Variants in UBE2O observed in about 807,000 individuals in gnomAD.
UBE2O encodes the protein ubiquitin conjugating enzyme E2 O.
Under a neutral mutation model 125.8 loss-of-function variants are expected in UBE2O, and 15 were observed. The ratio of observed to expected loss-of-function variants is 0.12; its 90% CI spans 0.08 to 0.18. The LOEUF (loss-of-function observed/expected upper bound fraction) is 0.18, where lower values mean the gene tolerates loss of function less well. Ranked by LOEUF, UBE2O falls within the 10% of genes least tolerant of loss-of-function variation. UBE2O has a pLI of 1.00. For missense variants in UBE2O, 1,280 were observed against 1,723.6 expected (o/e 0.74, Z 4.56); for synonymous variants, 708 against 703.2 (o/e 1.01, Z -0.11).
intron 1 of UBE2O, among the ~76,000 whole-genome samples, chr17:76,435,401 T>TAC (rs3219583): frequency 3.2e-4 from 31 of 96,844 alleles, no homozygotes; most frequent in South Asian, 4.2e-4. Flanking sequence ...AATATACAGA[T>TAC]ACACACACAC....
chr17:76,422,600 G>A lies in UBE2O; in HGVS notation c.418-17028C>T, dbSNP rs1295193860. ...TCCATCTGCAATGAAGCCGAGGCAC[G>A]CCAGGCTTGGGGAGGTGTGGCCACC... On this transcript the variant is annotated intron_variant, in intron 1 of 17. Coordinates refer to ENST00000319380, the MANE Select transcript of UBE2O (RefSeq NM_022066.4). Among the ~76,000 whole-genome samples the A allele has an allele frequency of 2.0e-5, 3 of 152,222 alleles. No homozygotes were observed. In the East Asian group the frequency reaches 5.8e-4, roughly 29 times the overall value.
Position 76,396,736 on chromosome 17 carries a change from C to A in UBE2O, c.2201G>T (p.Trp734Leu), listed in dbSNP as rs1175049270. 1 of 1,613,948 alleles carries A rather than the reference C, an allele frequency of 6.2e-7. No individual in the cohort carries two copies. The highest frequency in any genetic ancestry group is 1.3e-5 in the African/African-American group (1 of 74,924). Residue 734 changes from tryptophan to leucine, a missense_variant, in exon 14 of 18, where the codon TGG becomes TTG. Physicochemically the swap from Trp to Leu is moderately conservative, Grantham distance 61. Around this residue, in one of 10 missense-constraint regions of UBE2O, gnomAD observed 210 missense variants for 268.9 expected, o/e 0.78. Coordinates refer to ENST00000319380, the MANE Select transcript of UBE2O (RefSeq NM_022066.4). This position sits in a 1 kb window ranked among gnomAD's most constrained non-coding sequence, Gnocchi z 6.7. ...GSTSGASSDE[W>L]EDDSDSWETD... ...CTCCCAGCTGTCACTATCATCTTCC[C>A]ATTCATCCGAGGATGCCCCGCTGGT...
chr17:76,395,720 C>T lies in UBE2O; in HGVS notation c.2946+5G>A. 6.2e-7 allele frequency: 1 copy of T among 1,613,226 alleles called. No individual in the cohort carries two copies. Among genetic ancestry groups the T allele is most frequent in the Non-Finnish European group, 8.5e-7 (1 of 1,179,660 alleles). ...TCTGCACCTGCCCATGCCAAGCCTA[C>T]TTGCCATTCTATCTTCAAAAGTCTT... On this transcript the variant is annotated splice_donor_5th_base_variant and intron_variant, in intron 15 of 17. Coordinates refer to ENST00000319380, the MANE Select transcript of UBE2O (RefSeq NM_022066.4). The surrounding 1 kb of genome is among the most constrained non-coding windows in gnomAD (Gnocchi z 5.0).
At position 76,452,623 on chromosome 17, in the gene UBE2O, G is replaced by C; in HGVS notation, c.417+102C>G. ...CTGTCCTCCCGCGTCGGCCACTGCA[G>C]TGGCACCGCTCCGGGCAGGGCCCTG... On this transcript the variant is annotated intron_variant, in intron 1 of 17. Transcript: ENST00000319380. This position sits in a 1 kb window ranked among gnomAD's most constrained non-coding sequence, Gnocchi z 4.4. 8.7e-7 allele frequency: 1 copy of C among 1,155,514 alleles called. No individual in the cohort carries two copies. The allele number at this position is 1,155,514 out of a possible 1,614,324, so 71.6% of individuals were successfully genotyped here. A position where few individuals can be genotyped will look rare whatever the true frequency, so the allele number is the denominator to read the frequency against.
In UBE2O at chr17:76,402,904, T is replaced by C. The variant is rs541242987; in HGVS notation, c.589-205A>G. ...GCTGCATCCCAGCTGCTCTTCCCAG[T>C]GAGGAGGAAGTGGTGGTGGTGGTGG... is the stretch of plus-strand genomic sequence containing the variant. On this transcript the variant is annotated intron_variant, in intron 3 of 17. Coordinates refer to ENST00000319380, the MANE Select transcript of UBE2O (RefSeq NM_022066.4). This position sits in a 1 kb window ranked among gnomAD's most constrained non-coding sequence, Gnocchi z 5.4. Among the ~76,000 whole-genome samples the C allele has an allele frequency of 6.6e-6, 1 of 151,452 alleles. No individual in the cohort carries two copies. The highest frequency in any genetic ancestry group is 2.1e-4 in the South Asian group (1 of 4,780).
At position 76,400,682 on chromosome 17, in the gene UBE2O, A is replaced by G; in HGVS notation, c.895-132T>C. On this transcript the variant is annotated intron_variant, in intron 6 of 17. Transcript: ENST00000319380. This position sits in a 1 kb window ranked among gnomAD's most constrained non-coding sequence, Gnocchi z 4.3. ...CTAGTGCAGCACCAAGTACAGACAC[A>G]TCAGAGCAGGCCCCAACTGTAACCA... The G allele has an allele frequency of 3.0e-6, 2 of 659,388 alleles. No homozygotes were observed. The highest frequency in any genetic ancestry group is 1.8e-5 in the African/African-American group (1 of 55,060). The allele number at this position is 659,388 out of a possible 1,614,324, so 40.8% of individuals were successfully genotyped here.
chr17:76,390,848 C>T lies in UBE2O; in HGVS notation c.*95G>A, dbSNP rs939922781. On this transcript the variant is annotated 3_prime_UTR_variant, in exon 18 of 18. Coordinates refer to ENST00000319380, the MANE Select transcript of UBE2O (RefSeq NM_022066.4). ...GAGGGCAGTGGGTTTGCAGTGGGGA[C>T]AGAGGGGCATGGGAAGAGGGGTGAT... The T allele has an allele frequency of 8.4e-6, 11 of 1,316,428 alleles. No homozygotes were observed. Among genetic ancestry groups the T allele is most frequent in the Non-Finnish European group, 1.1e-5 (11 of 961,776 alleles). The allele number at this position is 1,316,428 out of a possible 1,614,324, so 81.5% of individuals were successfully genotyped here.
Position 76,398,041 on chromosome 17 carries a change from G to A in UBE2O, c.2026-153C>T, listed in dbSNP as rs914464809. The A allele has an allele frequency of 7.6e-5, 78 of 1,031,656 alleles. No homozygotes were observed. In the African/African-American group the frequency reaches 1.1e-3, roughly 15 times the overall value. The allele number at this position is 1,031,656 out of a possible 1,614,324, so 63.9% of individuals were successfully genotyped here. A position where few individuals can be genotyped will look rare whatever the true frequency, so the allele number is the denominator to read the frequency against. On this transcript the variant is annotated intron_variant, in intron 12 of 17. Transcript: ENST00000319380. The surrounding 1 kb of genome is among the most constrained non-coding windows in gnomAD (Gnocchi z 5.4). ...AATGTAACCAGCGGCAGCTCAAGAA[G>A]CCTGACCCCAGAAGGGAGGCAGGGA...
intron 15 of UBE2O, among the ~76,000 whole-genome samples, chr17:76,393,958 G>A (rs898885729): frequency 2.6e-5 from 4 of 152,262 alleles, no homozygotes; most frequent in African/African-American, 9.6e-5. Context: ...TGAGTGAGAT[G>A]TGGGGAAAAC....
intron 1 of UBE2O, among the ~76,000 whole-genome samples, chr17:76,415,016 T>C (rs1263646839): frequency 2.6e-5 from 4 of 152,214 alleles, no homozygotes; most frequent in African/African-American, 9.6e-5. Flanking sequence ...CATGATTCCA[T>C]GTTCTGTTCT....
intron 1 of UBE2O, among the ~76,000 whole-genome samples, chr17:76,449,937 A>G (rs1475100345): frequency 6.6e-6 from 1 of 152,130 alleles, no homozygotes; most frequent in Non-Finnish European, 1.5e-5. Flanking sequence ...ATAAATAAAT[A>G]AAAAATAAGT....
intron 1 of UBE2O, among the ~76,000 whole-genome samples, chr17:76,419,533 C>T (rs916144275): frequency 2.6e-5 from 4 of 152,236 alleles, no homozygotes; most frequent in Middle Eastern, 3.4e-3. Context: ...CCTGACACAC[C>T]CTTCCTGTGG....
At chr17:76,414,960 C>T (rs1285517154) in intron 1 of UBE2O, among the ~76,000 whole-genome samples, 1 of 152,142 alleles carries the variant, frequency 6.6e-6, no homozygotes, top group African/African-American at 2.4e-5. Context: ...AGGAGAAGGC[C>T]GCCTCCTTCC....
chr17:76,416,113 A>G (rs565588752), intron 1 of UBE2O, among the ~76,000 whole-genome samples: 44 of 151,954 alleles, frequency 2.9e-4, no homozygotes, highest in Non-Finnish European at 5.7e-4. Flanking sequence ...GTATGTGTAT[A>G]CATATATACA....
At chr17:76,425,528 T>C (rs1042453577) in intron 1 of UBE2O, among the ~76,000 whole-genome samples, 2 of 152,200 alleles carry the variant, frequency 1.3e-5, no homozygotes, top group African/African-American at 4.8e-5. Flanking sequence ...TCCTAACTTA[T>C]TATAGACATT....
At chr17:76,419,283 CAAAAAAAAAAA>C (rs35062714) in intron 1 of UBE2O, among the ~76,000 whole-genome samples, 4 of 63,286 alleles carry the variant, frequency 6.3e-5, no homozygotes, top group African/African-American at 1.3e-4. Context: ...GACCCTATCT[CAAAAAAAAAAA>C]AAAAAAAAAA....
At chr17:76,439,314 C>G (rs945270531) in intron 1 of UBE2O, among the ~76,000 whole-genome samples, 3 of 152,214 alleles carry the variant, frequency 2.0e-5, no homozygotes, top group Non-Finnish European at 4.4e-5. Context: ...CCTGCCAGCA[C>G]TCTCTCACCT....
Position 76,398,247 on chromosome 17 carries a change from A to G in UBE2O, c.2025+8T>C, listed in dbSNP as rs772680839. On this transcript the variant is annotated splice_region_variant and intron_variant, in intron 12 of 17. Coordinates refer to ENST00000319380, the MANE Select transcript of UBE2O (RefSeq NM_022066.4). The surrounding 1 kb of genome is among the most constrained non-coding windows in gnomAD (Gnocchi z 5.4). ...GCAGCCATCCAGAACTTGAATTTGA[A>G]GGCGTACCTCATCCTCCTTGTGAGG... 1 of 1,614,158 alleles carries G rather than the reference A, an allele frequency of 6.2e-7. No individual in the cohort carries two copies. Among genetic ancestry groups the G allele is most frequent in the African/African-American group, 1.3e-5 (1 of 75,052 alleles).
chr17:76,393,235 G>T (rs537903969), intron 15 of UBE2O, among the ~76,000 whole-genome samples: 123 of 151,796 alleles, frequency 8.1e-4, no homozygotes, highest in Middle Eastern at 3.4e-3. Flanking sequence ...TCCAGCCTGG[G>T]CGACAGAGTG....
Sources: gnomAD v4.1 joint callset for allele counts (sites outside exome capture counted in the v4.1 genomes callset) on GRCh38, gnomAD v4.1.1 for gene constraint, gnomAD v4.1.1 regional missense constraint, Gnocchi (gnomAD v3.1) non-coding constraint, MANE v1.5 for transcripts, NCBI Gene and HGNC (gene_info 2026-07-23, HGNC 2026-07-21) for gene names.